Variants in POLR3E observed in about 807,000 individuals in gnomAD.
POLR3E encodes DNA-directed RNA polymerase III subunit RPC5.
In POLR3E, 41 loss-of-function variants were observed where a neutral mutation model predicts 96.6. That is an observed-to-expected ratio of 0.42 (90% CI 0.33 to 0.55). The LOEUF (loss-of-function observed/expected upper bound fraction) is 0.55. POLR3E is among the 20% of genes least tolerant of loss of function. The pLI, the probability that POLR3E is intolerant of heterozygous loss-of-function variation, is 0.06. For synonymous variants in POLR3E, 396 were observed against 383.6 expected (o/e 1.03, Z -0.38); for missense variants, 849 against 952.1 (o/e 0.89, Z 1.43).
chr16:22,298,137 C>T (rs944762002), intron 1 of POLR3E, among the ~76,000 whole-genome samples: 2 of 152,206 alleles, frequency 1.3e-5, no homozygotes, highest in South Asian at 2.1e-4. Context: ...CCATTCGGTC[C>T]GAGGAGGTGT....
intron 6 of POLR3E, among the ~76,000 whole-genome samples, chr16:22,312,207 A>C (rs2048261379): frequency 6.6e-6 from 1 of 152,066 alleles, no homozygotes; most frequent in Non-Finnish European, 1.5e-5. Flanking sequence ...AAATACATTG[A>C]ATTATGGCCG....
chr16:22,332,639 A>C (rs1356499497), intron 20 of POLR3E, among the ~76,000 whole-genome samples: 1 of 152,162 alleles, frequency 6.6e-6, no homozygotes, highest in Non-Finnish European at 1.5e-5. Flanking sequence ...GGCCTAGTTG[A>C]GAATCCTCAC....
chr16:22,328,320 T>C, intron 18 of POLR3E, 190 bp from the exon 19 acceptor site: 1 of 596,894 alleles, frequency 1.7e-6, no homozygotes, highest in Non-Finnish European at 3.0e-6. Context: ...TGTGCTGGCC[T>C]CCTCCCCATG....
At chr16:22,315,030 C>T (rs1045606996) in intron 8 of POLR3E, 59 bp from the exon 9 acceptor site, 21 of 1,581,444 alleles carry the variant, frequency 1.3e-5, no homozygotes, top group African/African-American at 2.7e-5. Flanking sequence ...GGGGCTGAGA[C>T]GGCAGTCCAG....
In POLR3E at chr16:22,323,536, G is replaced by C. The variant is rs1002173244; in HGVS notation, c.1068+605G>C. Among the ~76,000 whole-genome samples the C allele has an allele frequency of 7.9e-5, 12 of 152,246 alleles. No homozygotes were observed. In the East Asian group the frequency reaches 2.3e-3, roughly 29 times the overall value. ...GCCCAGGAGCTGTCCCACACCCCTTGGCACGCTGGTGTGCCGTCCCAGTCA... is the reference window on the plus strand; with the variant it reads ...GCCCAGGAGCTGTCCCACACCCCTTCGCACGCTGGTGTGCCGTCCCAGTCA... On this transcript the variant is annotated intron_variant, in intron 14 of 20. Transcript: ENST00000299853.
At chr16:22,300,976 T>A (rs1288889933) in intron 1 of POLR3E, among the ~76,000 whole-genome samples, 1 of 151,662 alleles carries the variant, frequency 6.6e-6, no homozygotes, top group Non-Finnish European at 1.5e-5. Flanking sequence ...TGGGCACAGA[T>A]GCAGAGCTGT....
chr16:22,308,894 C>T (rs1483033101), intron 4 of POLR3E, 31 bp from the exon 5 acceptor site: 5 of 1,491,300 alleles, frequency 3.4e-6, no homozygotes, highest in East Asian at 2.3e-5. Flanking sequence ...TTGGGGTCCT[C>T]ATAGCTGGTG....
intron 4 of POLR3E, 49 bp downstream of exon 4, chr16:22,308,274 G>A (rs2048176383): frequency 6.9e-7 from 1 of 1,442,812 alleles, no homozygotes; most frequent in Non-Finnish European, 9.8e-7. Flanking sequence ...AGGGTGATGA[G>A]GGTGGGAGCT....
intron 13 of POLR3E, among the ~76,000 whole-genome samples, chr16:22,320,490 A>G (rs1455624228): frequency 1.3e-5 from 2 of 152,002 alleles, no homozygotes; most frequent in African/African-American, 4.8e-5. Context: ...TGAACTCCTG[A>G]CCTCAGGTGA....
At chr16:22,333,464 A>C (rs1195908795) in intron 20 of POLR3E, among the ~76,000 whole-genome samples, 180 bp from the exon 21 acceptor site, 1 of 151,680 alleles carries the variant, frequency 6.6e-6, no homozygotes, top group Non-Finnish European at 1.5e-5. Flanking sequence ...AAAAAAAAAA[A>C]AAACACTACC....
chr16:22,300,798 G>A (rs563077049), intron 1 of POLR3E, among the ~76,000 whole-genome samples: 7 of 152,292 alleles, frequency 4.6e-5, no homozygotes, highest in African/African-American at 1.4e-4. Flanking sequence ...TCCTCTGCCC[G>A]AAATCCTTCT....
At chr16:22,315,275 C>T in intron 9 of POLR3E, 67 bp downstream of exon 9, 1 of 1,476,374 alleles carries the variant, frequency 6.8e-7, no homozygotes, top group Non-Finnish European at 9.2e-7. Context: ...GGTGTGGCCT[C>T]CGTGTCTCAC....
In POLR3E at chr16:22,323,653, C is replaced by T. The variant is rs558846672; in HGVS notation, c.1069-701C>T. Reference sequence around the variant, plus strand: ...TCTGGGCAGTCGGTGTCCAGGTGCCCGAGCAGCATCTTTGCTCCTAGGGGT... The same window carrying T: ...TCTGGGCAGTCGGTGTCCAGGTGCCTGAGCAGCATCTTTGCTCCTAGGGGT... On this transcript the variant is annotated intron_variant, in intron 14 of 20. Transcript: ENST00000299853. Among the ~76,000 whole-genome samples the T allele has an allele frequency of 3.3e-5, 5 of 152,226 alleles. No homozygotes were observed. The South Asian group carries it at 6.2e-4, about 19-fold the overall frequency.
chr16:22,330,493 C>A (rs1411475385), intron 19 of POLR3E, among the ~76,000 whole-genome samples: 1 of 152,184 alleles, frequency 6.6e-6, no homozygotes, highest in East Asian at 1.9e-4. Flanking sequence ...ATTGCATTTC[C>A]TTGTTCACTG....
chr16:22,317,242 G>A (rs756855603), intron 12 of POLR3E, 36 bp downstream of exon 12: 13 of 1,478,270 alleles, frequency 8.8e-6, no homozygotes, highest in African/African-American at 1.4e-5. Flanking sequence ...GGGGGCCCCA[G>A]TCCCAGTGGC....
intron 20 of POLR3E, among the ~76,000 whole-genome samples, chr16:22,332,411 G>T (rs191993890): frequency 3.0e-4 from 45 of 152,284 alleles, no homozygotes; most frequent in South Asian, 8.3e-4. Context: ...AGTCACAGTG[G>T]TGTCCAAGGG....
chr16:22,310,642 T>TAA (rs2048228147), intron 6 of POLR3E, among the ~76,000 whole-genome samples: 1 of 124,636 alleles, frequency 8.0e-6, no homozygotes, highest in Non-Finnish European at 1.7e-5. Context: ...AAAAAAAAGG[T>TAA]AAAAAGCATA....
At chr16:22,333,286 CTACTAAAAA>C (rs2048782450) in intron 20 of POLR3E, among the ~76,000 whole-genome samples, 1 of 151,368 alleles carries the variant, frequency 6.6e-6, no homozygotes, top group African/African-American at 2.4e-5. Flanking sequence ...AACCCCATCT[CTACTAAAAA>C]TACAAAATTA....
At chr16:22,323,994 C>T (rs1368143960) in intron 14 of POLR3E, among the ~76,000 whole-genome samples, 1 of 152,156 alleles carries the variant, frequency 6.6e-6, no homozygotes, top group East Asian at 1.9e-4. Flanking sequence ...TTAGCAGCCA[C>T]CACTGTGAAG....
Sources: allele counts gnomAD v4.1 joint callset (sites outside exome capture counted in the v4.1 genomes callset), GRCh38; gene constraint gnomAD v4.1.1; transcripts MANE v1.5; gene names NCBI Gene and HGNC (gene_info 2026-07-23, HGNC 2026-07-21).